Variants in MAPK8IP3 observed in about 807,000 individuals in gnomAD.
The protein encoded by MAPK8IP3 is C-Jun-amino-terminal kinase-interacting protein 3.
A neutral mutation model predicts 157.8 loss-of-function variants in MAPK8IP3; 49 were observed. That is an observed-to-expected ratio of 0.31 (90% CI 0.25 to 0.39). The LOEUF (loss-of-function observed/expected upper bound fraction) is 0.39, where lower values mean the gene tolerates loss of function less well. MAPK8IP3 is among the 10% of genes least tolerant of loss of function. MAPK8IP3 has a pLI of 1.00. For synonymous variants in MAPK8IP3, 897 were observed against 777.7 expected (o/e 1.15, Z -2.55); for missense variants, 1,478 against 1,889.4 (o/e 0.78, Z 4.04).
At position 1,768,287 on chromosome 16, in the gene MAPK8IP3, C is replaced by T. The variant is rs776248630; in HGVS notation, c.3651C>T (p.Ala1217=). ...GCGATGACAGCAGTGACAGGGCGGC[C>T]AGCAGCTTCATCCCCTACTGCTCCA... ...VYGDDSSDRA[A]SSFIPYCSMA... is the part of the protein sequence containing the mutation. The change falls in exon 30 of 32, where the codon GCC becomes GCT. Residue 1217 remains alanine (A), a synonymous_variant. Coordinates refer to ENST00000610761, the MANE Select transcript of MAPK8IP3 (RefSeq NM_001318852.2). 9.9e-6 allele frequency: 16 copies of T among 1,611,106 alleles called. 1 individual carries two copies. Among genetic ancestry groups the T allele is most frequent in the South Asian group, 9.9e-5 (9 of 91,086 alleles).
chr16:1,762,760 G>A, intron 15 of MAPK8IP3, 29 bp downstream of exon 15: 16 of 1,586,058 alleles, frequency 1.0e-5, no homozygotes, highest in Non-Finnish European at 1.3e-5. Flanking sequence ...GGGGATGTGG[G>A]CAGCAGCTGC....
chr16:1,755,618 G>A (rs2041546136), intron 8 of MAPK8IP3, among the ~76,000 whole-genome samples: 1 of 152,028 alleles, frequency 6.6e-6, no homozygotes. Flanking sequence ...GGAGGCCAAG[G>A]TGGGCGGATC....
At position 1,768,063 on chromosome 16, in the gene MAPK8IP3, C is replaced by A. The variant is rs1200974929; in HGVS notation, c.3524-6C>A. 1.9e-6 allele frequency: 3 copies of A among 1,612,294 alleles called. No homozygotes were observed. The highest frequency in any genetic ancestry group is 2.5e-6 in the Non-Finnish European group (3 of 1,179,994). On this transcript the variant is annotated splice_region_variant and splice_polypyrimidine_tract_variant and intron_variant, in intron 28 of 31. Transcript: ENST00000610761. ...CTCTTCTCCCATGCTCCTCCCATGT[C>A]CCCAGCTGTGGTCCTGCACCGAGGC...
chr16:1,740,323 C>T (rs1327428235), intron 4 of MAPK8IP3, among the ~76,000 whole-genome samples: 3 of 146,646 alleles, frequency 2.0e-5, no homozygotes, highest in African/African-American at 5.1e-5. Flanking sequence ...CATCCGTAAC[C>T]GTGTAGGCGT....
intron 2 of MAPK8IP3, among the ~76,000 whole-genome samples, chr16:1,727,526 C>G (rs996193611): frequency 6.6e-6 from 1 of 151,444 alleles, no homozygotes; most frequent in African/African-American, 2.4e-5. Context: ...GGTGCTGTGT[C>G]TAAGTCGTGC....
At position 1,766,628 on chromosome 16, in the gene MAPK8IP3, G is replaced by T. The variant is rs755287045; in HGVS notation, c.2919G>T (p.Trp973Cys). ...GAGSSAAPTMWLGAQNGWLYV... is the reference protein window; with the variant it reads ...GAGSSAAPTMCLGAQNGWLYV... Reference sequence around the variant, plus strand: ...GCAGCAGTGCTGCACCCACCATGTGGCTGGGAGCCCAGAACGGCTGGTAGG... The same window carrying T: ...GCAGCAGTGCTGCACCCACCATGTGTCTGGGAGCCCAGAACGGCTGGTAGG... The change falls in exon 23 of 32, where the codon TGG (tryptophan) becomes TGT (cysteine). Residue 973 changes from tryptophan (W) to cysteine (C), a missense_variant. Around this residue, in one of 11 missense-constraint regions of MAPK8IP3, gnomAD observed 669 missense variants for 759.8 expected, o/e 0.88. Coordinates refer to ENST00000610761, the MANE Select transcript of MAPK8IP3 (RefSeq NM_001318852.2). 1 of 1,612,456 alleles carries T rather than the reference G, an allele frequency of 6.2e-7. No individual in the cohort carries two copies. Among genetic ancestry groups the T allele is most frequent in the Admixed American group, 1.7e-5 (1 of 59,992 alleles).
chr16:1,717,498 G>T (rs1345863431), intron 1 of MAPK8IP3, among the ~76,000 whole-genome samples: 1 of 152,202 alleles, frequency 6.6e-6, no homozygotes, highest in Non-Finnish European at 1.5e-5. Context: ...GCTCAAAGGT[G>T]ACCCATAGGT....
At chr16:1,739,857 A>ACCGT (rs1221870534) in intron 4 of MAPK8IP3, among the ~76,000 whole-genome samples, 3 of 85,224 alleles carry the variant, frequency 3.5e-5, no homozygotes, top group African/African-American at 9.7e-5. Flanking sequence ...CATCCGTGTG[A>ACCGT]CCGTGTGAGC....
In MAPK8IP3 at chr16:1,751,609, C is replaced by T. The variant is rs2041293443; in HGVS notation, c.1216+2889C>T. On this transcript the variant is annotated intron_variant, in intron 8 of 31. Transcript: ENST00000610761. This position sits in a 1 kb window ranked among gnomAD's most constrained non-coding sequence, Gnocchi z 5.0. ...GATGTGATTTCCACACTGTGTAATT[C>T]ATTCACTTACGGTGTACAGTCCAGT... 6.6e-6 allele frequency: 1 copy of T among 152,186 alleles called. No individual in the cohort carries two copies. The highest frequency in any genetic ancestry group is 2.4e-5 in the African/African-American group (1 of 41,426). 9.4% of individuals were successfully genotyped at this position (152,186 alleles called of 1,614,324 possible).
intron 5 of MAPK8IP3, chr16:1,745,004 T>C: frequency 1.0e-6 from 1 of 985,446 alleles, no homozygotes; most frequent in Non-Finnish European, 1.2e-6. Context: ...TTGTGGCTAC[T>C]CATGGTGAGG....
At chr16:1,726,129 C>T (rs2038862751) in intron 2 of MAPK8IP3, among the ~76,000 whole-genome samples, 1 of 152,204 alleles carries the variant, frequency 6.6e-6, no homozygotes, top group African/African-American at 2.4e-5. Context: ...CCAGCCAAGG[C>T]CTAAAGGCTG....
In MAPK8IP3 at chr16:1,737,642, G is replaced by A. The variant is rs1338617829; in HGVS notation, c.603-5690G>A. On this transcript the variant is annotated intron_variant, in intron 4 of 31. Transcript: ENST00000610761. ...TGTGTGACCATCCATGTGAGCATCCGTGTGACTGTCCGTGTGAGCGTCCGT... is the reference window on the plus strand; with the variant it reads ...TGTGTGACCATCCATGTGAGCATCCATGTGACTGTCCGTGTGAGCGTCCGT... Among the ~76,000 whole-genome samples, 14 of 83,328 alleles carry A rather than the reference G, an allele frequency of 1.7e-4. 1 individual carries two copies. Among genetic ancestry groups the A allele is most frequent in the Non-Finnish European group, 2.4e-4 (10 of 41,882 alleles). The allele number at this position is 83,328 out of a possible 152,430, so 54.7% of individuals were successfully genotyped here. A position where few individuals can be genotyped will look rare whatever the true frequency, so the allele number is the denominator to read the frequency against.
intron 5 of MAPK8IP3, chr16:1,744,963 G>A (rs2040879420): frequency 1.0e-6 from 1 of 984,142 alleles, no homozygotes; most frequent in Admixed American, 6.2e-5. Context: ...TTGTTTTTAT[G>A]TACTGTATTT....
chr16:1,711,712 C>T (rs1186823414), intron 1 of MAPK8IP3, among the ~76,000 whole-genome samples: 1 of 152,044 alleles, frequency 6.6e-6, no homozygotes, highest in Non-Finnish European at 1.5e-5. Flanking sequence ...AAGGCCGAGG[C>T]GGGTGGATCA....
intron 1 of MAPK8IP3, among the ~76,000 whole-genome samples, chr16:1,718,939 C>A (rs1370733582): frequency 6.6e-6 from 1 of 152,176 alleles, no homozygotes; most frequent in East Asian, 1.9e-4. Flanking sequence ...CGAGGTGGCT[C>A]ACGCCTGTAG....
chr16:1,767,428 C>A, intron 26 of MAPK8IP3, 131 bp downstream of exon 26: 1 of 1,501,776 alleles, frequency 6.7e-7, no homozygotes, highest in Non-Finnish European at 9.1e-7. Flanking sequence ...ATGACTCAGG[C>A]TCGAACAGGC....
At chr16:1,759,826 C>A in intron 10 of MAPK8IP3, 132 bp from the exon 11 acceptor site, 1 of 772,690 alleles carries the variant, frequency 1.3e-6, no homozygotes, top group Non-Finnish European at 2.2e-6. Context: ...ACGGCCCCCG[C>A]TCCCTGTAGA....
At chr16:1,755,960 C>G (rs181097189) in intron 8 of MAPK8IP3, among the ~76,000 whole-genome samples, 71 of 151,078 alleles carry the variant, frequency 4.7e-4, no homozygotes, top group African/African-American at 1.7e-3. Context: ...ATCAAGAAAA[C>G]TTTTTCCCTA....
intron 6 of MAPK8IP3, 45 bp from the exon 7 acceptor site, chr16:1,748,199 G>A (rs759507704): frequency 2.0e-6 from 3 of 1,467,316 alleles, no homozygotes; most frequent in East Asian, 4.5e-5. Context: ...GGCAGAGGCT[G>A]CCAGACCCTC....
Sources: allele counts gnomAD v4.1 joint callset (sites outside exome capture counted in the v4.1 genomes callset), GRCh38; gene constraint gnomAD v4.1.1; regional missense constraint gnomAD v4.1.1; non-coding constraint Gnocchi (gnomAD v3.1); transcripts MANE v1.5; gene names NCBI Gene and HGNC (gene_info 2026-07-23, HGNC 2026-07-21).